The following SPAG9 variants were observed in gnomAD, a reference collection of about 807,000 sequenced individuals.
SPAG9 encodes the protein C-Jun-amino-terminal kinase-interacting protein 4.
SPAG9 carries 35 observed loss-of-function variants against 166.5 expected under a neutral mutation model. The ratio of observed to expected loss-of-function variants is 0.21; its 90% CI spans 0.16 to 0.28. The LOEUF (loss-of-function observed/expected upper bound fraction) is 0.28, where lower values mean the gene tolerates loss of function less well. SPAG9 is among the 10% of genes least tolerant of loss of function. The pLI, the probability that SPAG9 is intolerant of heterozygous loss-of-function variation, is 1.00. For missense variants in SPAG9, 1,235 were observed against 1,603.3 expected, an observed-to-expected ratio of 0.77 and a Z score of 3.92; for synonymous variants, 534 against 565.5, an observed-to-expected ratio of 0.94 and a Z score of 0.79.
At chr17:50,976,136 T>TA (rs1430636117) in intron 27 of SPAG9, among the ~76,000 whole-genome samples, 1 of 152,048 alleles carries the variant, frequency 6.6e-6, no homozygotes, top group African/African-American at 2.4e-5. Context: ...GTTTTTTTTT[T>TA]AAATAATAAA....
At chr17:51,064,067 T>C (rs12939394) in intron 2 of SPAG9, among the ~76,000 whole-genome samples, 1 of 152,186 alleles carries the variant, frequency 6.6e-6, no homozygotes, top group Non-Finnish European at 1.5e-5. Context: ...TCCACTCCAG[T>C]AGAGGAGTAA....
rs975531816 is a variant in SPAG9 at position 51,078,909 on chromosome 17, T to G, written c.424+675A>C. ...TAAGTTTACCTTACATTTTTACATTTCAAAGCAAAACAGAAAAAATGGAGC... is the reference window on the plus strand; with the variant it reads ...TAAGTTTACCTTACATTTTTACATTGCAAAGCAAAACAGAAAAAATGGAGC... On this transcript the variant is annotated intron_variant, in intron 2 of 29. Transcript: ENST00000262013. Among the ~76,000 whole-genome samples the G allele has an allele frequency of 1.3e-3, 191 of 152,180 alleles. 2 individuals carry two copies. The highest frequency in any genetic ancestry group is 2.4e-4 in the Non-Finnish European group (16 of 68,006).
chr17:51,070,299 T>TATATTA (rs2047788658), intron 2 of SPAG9, among the ~76,000 whole-genome samples: 1 of 152,206 alleles, frequency 6.6e-6, no homozygotes, highest in African/African-American at 2.4e-5. Context: ...ATATCAGCTC[T>TATATTA]GTGTGCTAAT....
chr17:51,031,629 G>C, intron 6 of SPAG9, 52 bp downstream of exon 6: 2 of 1,260,602 alleles, frequency 1.6e-6, no homozygotes, highest in South Asian at 2.6e-5. Context: ...GTAATCAATA[G>C]TTAATCACTT....
chr17:51,024,609 A>G (rs1284286901), intron 6 of SPAG9, among the ~76,000 whole-genome samples: 1 of 151,304 alleles, frequency 6.6e-6, no homozygotes, highest in Non-Finnish European at 1.5e-5. Flanking sequence ...GCTATTAGCG[A>G]GGCTGAGGCA....
chr17:51,018,731 A>C (rs2045808417), intron 8 of SPAG9, among the ~76,000 whole-genome samples: 1 of 152,092 alleles, frequency 6.6e-6, no homozygotes, highest in Non-Finnish European at 1.5e-5. Flanking sequence ...AGGGGGCTGG[A>C]CTGAAGTGTC....
chr17:51,097,534 G>T (rs919762363), intron 1 of SPAG9, among the ~76,000 whole-genome samples: 4 of 151,892 alleles, frequency 2.6e-5, no homozygotes. Flanking sequence ...AAAAATTATG[G>T]TATCTACATT....
chr17:51,093,651 C>T (rs1163113738), intron 1 of SPAG9, among the ~76,000 whole-genome samples: 2 of 144,344 alleles, frequency 1.4e-5, no homozygotes, highest in Non-Finnish European at 3.0e-5. Context: ...GCCGAGATTG[C>T]GCCACTGCAC....
intron 24 of SPAG9, among the ~76,000 whole-genome samples, chr17:50,984,018 A>G (rs978717666): frequency 6.6e-6 from 1 of 152,194 alleles, no homozygotes; most frequent in African/African-American, 2.4e-5. Flanking sequence ...ATCCAAATTC[A>G]GGGTATCTAT....
At chr17:51,011,928 T>C (rs1420018383) in intron 9 of SPAG9, among the ~76,000 whole-genome samples, 1 of 152,224 alleles carries the variant, frequency 6.6e-6, no homozygotes, top group Non-Finnish European at 1.5e-5. Context: ...GGCTTCTAAA[T>C]ACTTCATAAG....
intron 8 of SPAG9, among the ~76,000 whole-genome samples, chr17:51,015,414 G>A (rs2045654663): frequency 6.6e-6 from 1 of 152,152 alleles, no homozygotes; most frequent in Non-Finnish European, 1.5e-5. Flanking sequence ...TCTTGGCACA[G>A]CTCCCTAATA....
intron 4 of SPAG9, 125 bp from the exon 5 acceptor site, chr17:51,041,776 C>G: frequency 1.2e-6 from 1 of 858,198 alleles, no homozygotes; most frequent in Non-Finnish European, 1.8e-6. Flanking sequence ...ACACTGTCTG[C>G]CCATCTGAAT....
In SPAG9 at chr17:51,065,748, C is replaced by T. The variant is rs187590327; in HGVS notation, c.425-9266G>A. Among the ~76,000 whole-genome samples, 13 of 152,292 alleles carry T rather than the reference C, an allele frequency of 8.5e-5. 1 individual carries two copies. Among genetic ancestry groups the T allele is most frequent in the African/African-American group, 3.1e-4 (13 of 41,558 alleles). On this transcript the variant is annotated intron_variant, in intron 2 of 29. Coordinates refer to ENST00000262013, the MANE Select transcript of SPAG9 (RefSeq NM_001130528.3). ...CAGGTAGCCTCTGACTGACTTATAG[C>T]CACTGAAGTAGTAGTAAAAGTGATG...
At position 51,099,527 on chromosome 17, in the gene SPAG9, A is replaced by G. The variant is rs527338550; in HGVS notation, c.304-19823T>C. Among the ~76,000 whole-genome samples, 301 of 151,730 alleles carry G rather than the reference A, an allele frequency of 2.0e-3. 1 individual carries two copies. The highest frequency in any genetic ancestry group is 2.9e-3 in the Non-Finnish European group (200 of 67,936). On this transcript the variant is annotated intron_variant, in intron 1 of 29. Transcript: ENST00000262013. The stretch of plus-strand genomic sequence containing the variant: ...CATCTCAGCATGCAAAAAGTTTCAG[A>G]TTTTGAAGCATTTCAGATTTCACAT...
At chr17:50,966,799 C>A (rs1012056288) in intron 29 of SPAG9, among the ~76,000 whole-genome samples, 1 of 152,184 alleles carries the variant, frequency 6.6e-6, no homozygotes, top group Non-Finnish European at 1.5e-5. Context: ...AGGTACAGAG[C>A]AAACTAACTA....
rs867113651 is a variant in SPAG9 at position 50,962,438 on chromosome 17, T to C, written c.*3834A>G. On this transcript the variant is annotated 3_prime_UTR_variant, in exon 30 of 30. Transcript: ENST00000262013. ...ATAAAATGGTTAAGATATATTCAAA[T>C]AGAGAAATGTATGACAAAATTAATA... The C allele has an allele frequency of 6.6e-6, 1 of 152,178 alleles. No homozygotes were observed. The highest frequency in any genetic ancestry group is 6.5e-5 in the Admixed American group (1 of 15,274). 9.4% of individuals were successfully genotyped at this position (152,178 alleles called of 1,614,324 possible).
intron 2 of SPAG9, among the ~76,000 whole-genome samples, chr17:51,072,604 A>T (rs1032426341): frequency 6.6e-6 from 1 of 151,856 alleles, no homozygotes; most frequent in Admixed American, 6.6e-5. Flanking sequence ...GAATCTCTTG[A>T]ACCTGGGAGG....
intron 14 of SPAG9, among the ~76,000 whole-genome samples, chr17:50,998,982 T>G (rs2044806468): frequency 6.6e-6 from 1 of 152,232 alleles, no homozygotes; most frequent in Non-Finnish European, 1.5e-5. Flanking sequence ...AACCGCAAGG[T>G]TATGGCTGTG....
In SPAG9 at chr17:51,120,086, T is replaced by C. The variant is rs1324467256; in HGVS notation, c.303+268A>G. ...CTCCGCCCTTGGCCAACCCCAGGTG[T>C]CCTCAGGCCAGGCTGCCGCTTCCTC... is the stretch of plus-strand genomic sequence containing the variant. On this transcript the variant is annotated intron_variant, in intron 1 of 29. Transcript: ENST00000262013. The surrounding 1 kb of genome is among the most constrained non-coding windows in gnomAD (Gnocchi z 4.7). Among the ~76,000 whole-genome samples, 1 of 152,192 alleles carries C rather than the reference T, an allele frequency of 6.6e-6. No homozygotes were observed. Among genetic ancestry groups the C allele is most frequent in the Non-Finnish European group, 1.5e-5 (1 of 68,044 alleles).
Sources: gnomAD v4.1 joint callset for allele counts (sites outside exome capture counted in the v4.1 genomes callset) on GRCh38, gnomAD v4.1.1 for gene constraint, Gnocchi (gnomAD v3.1) non-coding constraint, MANE v1.5 for transcripts, NCBI Gene and HGNC (gene_info 2026-07-23, HGNC 2026-07-21) for gene names.